HMCN1: variants seen among roughly 807,000 people sequenced by gnomAD.
HMCN1 encodes the protein hemicentin-1.
In HMCN1, 321 loss-of-function variants were observed where a neutral mutation model predicts 625.9. The observed-to-expected ratio is 0.51, with a 90% CI of 0.47 to 0.56. HMCN1 has a LOEUF of 0.56. Ranked by LOEUF, HMCN1 falls within the 20% of genes least tolerant of loss-of-function variation. The pLI, the probability that HMCN1 is intolerant of heterozygous loss-of-function variation, is 0.00. For missense variants in HMCN1, 6,588 were observed against 6,887.3 expected, an observed-to-expected ratio of 0.96 and a Z score of 1.54; for synonymous variants, 2,425 against 2,417.6, an observed-to-expected ratio of 1.00 and a Z score of -0.09.
In HMCN1 at chr1:185,945,485, A is replaced by G. The variant is rs796819264; in HGVS notation, c.1828+11661A>G. On this transcript the variant is annotated intron_variant, in intron 11 of 106. Coordinates refer to ENST00000271588, the MANE Select transcript of HMCN1 (RefSeq NM_031935.3). ...TATAAATGAGGAGAAAACAACATCC[A>G]TCTCCTCAAAAAGCCTATAAAGTAA... is the stretch of plus-strand genomic sequence containing the variant. Among the ~76,000 whole-genome samples, 6 of 152,308 alleles carry G rather than the reference A, an allele frequency of 3.9e-5. No homozygotes were observed. In the South Asian group the frequency reaches 1.0e-3, roughly 26 times the overall value.
chr1:185,808,886 A>T (rs1026712281), intron 1 of HMCN1, among the ~76,000 whole-genome samples: 1 of 152,190 alleles, frequency 6.6e-6, no homozygotes, highest in African/African-American at 2.4e-5. Context: ...AGTATTCAGA[A>T]GGGAAATAGC....
At chr1:186,057,736 C>T (rs1657435048) in intron 46 of HMCN1, among the ~76,000 whole-genome samples, 1 of 151,980 alleles carries the variant, frequency 6.6e-6, no homozygotes, top group Non-Finnish European at 1.5e-5. Context: ...TCAAATTCTA[C>T]AGTGAATCCT....
At chr1:186,139,880 C>T (rs1432632819) in intron 89 of HMCN1, among the ~76,000 whole-genome samples, 1 of 151,950 alleles carries the variant, frequency 6.6e-6, no homozygotes, top group Non-Finnish European at 1.5e-5. Context: ...CTCACCACTG[C>T]AAAATCGGCA....
intron 102 of HMCN1, among the ~76,000 whole-genome samples, chr1:186,173,857 G>C (rs535943817): frequency 3.3e-5 from 5 of 152,110 alleles, no homozygotes; most frequent in Non-Finnish European, 7.4e-5. Context: ...GGTTTTGATT[G>C]AAGGAAATAG....
rs1657267377 is a variant in HMCN1 at position 186,055,655 on chromosome 1, A to G, written c.7125A>G (p.Lys2375=). 2.5e-6 allele frequency: 4 copies of G among 1,612,524 alleles called. No homozygotes were observed. The highest frequency in any genetic ancestry group is 3.4e-6 in the Non-Finnish European group (4 of 1,178,972). The change falls in exon 45 of 107, where the codon AAA becomes AAG. Residue 2375 remains lysine (K), a synonymous_variant. Transcript: ENST00000271588. ...ATGTAGCAGGAATGACTGACAAAAAATATGACTTAAGTGTCCATGGTAAGT... is the reference window on the plus strand; with the variant it reads ...ATGTAGCAGGAATGACTGACAAAAAGTATGACTTAAGTGTCCATGGTAAGT... ...AVNVAGMTDK[K]YDLSVHAPPS...
intron 4 of HMCN1, among the ~76,000 whole-genome samples, chr1:185,879,607 A>G (rs1346740912): frequency 6.6e-6 from 1 of 152,204 alleles, no homozygotes; most frequent in Non-Finnish European, 1.5e-5. Flanking sequence ...GTTAGACTTT[A>G]AGGATTCAAT....
At position 185,977,780 on chromosome 1, in the gene HMCN1, C is replaced by T. The variant is rs1356242517; in HGVS notation, c.2372-7C>T. 4 of 1,601,076 alleles carry T rather than the reference C, an allele frequency of 2.5e-6. No individual in the cohort carries two copies. Among genetic ancestry groups the T allele is most frequent in the Non-Finnish European group, 3.4e-6 (4 of 1,168,592 alleles). ...ATGACTTATTTGTTGTTTGTAATGT[C>T]TTCCAGCACCTCCAGTTTTCATACA... On this transcript the variant is annotated splice_region_variant and splice_polypyrimidine_tract_variant and intron_variant, in intron 15 of 106. Transcript: ENST00000271588.
chr1:186,069,535 T>C (rs1484437312), intron 50 of HMCN1, 128 bp from the exon 51 acceptor site: 2 of 709,298 alleles, frequency 2.8e-6, no homozygotes, highest in Non-Finnish European at 5.1e-6. Flanking sequence ...TTATATCATA[T>C]GTCCATCACA....
At position 185,923,248 on chromosome 1, in the gene HMCN1, A is replaced by G. The variant is rs992970118; in HGVS notation, c.1022-142A>G. The G allele has an allele frequency of 7.2e-6, 5 of 692,044 alleles. No individual in the cohort carries two copies. The African/African-American group carries it at 8.9e-5, about 12-fold the overall frequency. 42.9% of individuals were successfully genotyped at this position (692,044 alleles called of 1,614,324 possible). ...TCTGGTCATGCATAAACTGTCTTTTATGTAGAAACAATTCTGCAACTGATC... is the reference window on the plus strand; with the variant it reads ...TCTGGTCATGCATAAACTGTCTTTTGTGTAGAAACAATTCTGCAACTGATC... On this transcript the variant is annotated intron_variant, in intron 7 of 106. Transcript: ENST00000271588.
intron 15 of HMCN1, among the ~76,000 whole-genome samples, chr1:185,977,561 C>T (rs1410300786): frequency 1.3e-5 from 2 of 152,116 alleles, no homozygotes; most frequent in Non-Finnish European, 2.9e-5. Flanking sequence ...TATCATCTAT[C>T]ACCTTAAGGA....
At chr1:185,999,038 A>G (rs16824842) in intron 25 of HMCN1, among the ~76,000 whole-genome samples, 6,325 of 152,094 alleles carry the variant, frequency 0.042, 452 homozygotes, top group African/African-American at 0.14. Flanking sequence ...ATTTTTTTCC[A>G]TAAATATAAC....
chr1:185,941,595 T>C (rs1668084606), intron 11 of HMCN1, among the ~76,000 whole-genome samples: 1 of 152,226 alleles, frequency 6.6e-6, no homozygotes, highest in Admixed American at 6.5e-5. Context: ...TTAGATTTTC[T>C]TGTAGGAAAA....
Position 186,093,180 on chromosome 1 carries a change from T to C in HMCN1, c.9934T>C (p.Ser3312Pro), listed in dbSNP as rs1659937724. ...ATTAAACATTTATGGAGCTCTTACA[T>C]CTGACACGGGGAAATACACATGTGT... is the stretch of plus-strand genomic sequence containing the variant. Reference protein sequence around the residue: ...STLNIYGALTSDTGKYTCVAT... With the variant: ...STLNIYGALTPDTGKYTCVAT... Residue 3312 changes from serine (S) to proline (P), a missense_variant, in exon 65 of 107, where the codon TCT becomes CCT. By Grantham distance (74) the Ser-to-Pro change is moderately conservative. This residue lies in a region of HMCN1 where 4,628 missense variants were observed against 4,853.1 expected (regional missense o/e 0.95). Transcript: ENST00000271588. 4 of 1,613,260 alleles carry C rather than the reference T, an allele frequency of 2.5e-6. No individual in the cohort carries two copies. The highest frequency in any genetic ancestry group is 1.7e-5 in the Admixed American group (1 of 59,858).
At chr1:185,874,670 C>T (rs1663822754) in intron 4 of HMCN1, among the ~76,000 whole-genome samples, 1 of 151,598 alleles carries the variant, frequency 6.6e-6, no homozygotes, top group African/African-American at 2.4e-5. Context: ...AGTCATATAC[C>T]ACATAATTTA....
chr1:186,097,492 A>G (rs1211720006), intron 68 of HMCN1, among the ~76,000 whole-genome samples: 2 of 103,664 alleles, frequency 1.9e-5, no homozygotes, highest in African/African-American at 1.0e-4. Flanking sequence ...ACTGAGGTAC[A>G]ATAGCTATCA....
rs1667665867 is a variant in HMCN1 at position 185,933,650 on chromosome 1, A to C, written c.1654A>C (p.Thr552Pro). The C allele has an allele frequency of 6.2e-7, 1 of 1,613,912 alleles. No homozygotes were observed. The highest frequency in any genetic ancestry group is 8.5e-7 in the Non-Finnish European group (1 of 1,179,938). ...CATCAGTGCGGTGGATTACAATCTA[A>C]CCTGGCAGAGGAATGACAGAGATGT... ...LIISAVDYNLTWQRNDRDVRL... is the reference protein window; with the variant it reads ...LIISAVDYNLPWQRNDRDVRL... Residue 552 changes from threonine (T) to proline (P), a missense_variant, in exon 11 of 107, where the codon ACC becomes CCC. Thr to Pro is a conservative substitution (Grantham distance 38). Around this residue, in one of 3 missense-constraint regions of HMCN1, gnomAD observed 4,628 missense variants for 4,853.1 expected, o/e 0.95. Coordinates refer to ENST00000271588, the MANE Select transcript of HMCN1 (RefSeq NM_031935.3).
intron 84 of HMCN1, 107 bp downstream of exon 84, chr1:186,130,207 C>T: frequency 7.0e-7 from 1 of 1,424,752 alleles, no homozygotes; most frequent in Non-Finnish European, 9.7e-7. Context: ...GTTTTTAATC[C>T]ACTCAGTCCT....
chr1:185,949,380 G>C (rs1350264323), intron 11 of HMCN1, among the ~76,000 whole-genome samples: 11 of 151,828 alleles, frequency 7.2e-5, no homozygotes, highest in Non-Finnish European at 4.4e-5. Context: ...GTATACAGGA[G>C]CTCAAATGGG....
intron 42 of HMCN1, among the ~76,000 whole-genome samples, chr1:186,051,091 G>A (rs755070234): frequency 6.6e-6 from 1 of 151,962 alleles, no homozygotes; most frequent in Non-Finnish European, 1.5e-5. Flanking sequence ...AGCCTAGTGT[G>A]ATGCAAGGAG....
Sources: allele counts gnomAD v4.1 joint callset (sites outside exome capture counted in the v4.1 genomes callset), GRCh38; gene constraint gnomAD v4.1.1; regional missense constraint gnomAD v4.1.1; transcripts MANE v1.5; gene names NCBI Gene and HGNC (gene_info 2026-07-23, HGNC 2026-07-21).